The following TXN variants were observed in gnomAD, a reference collection of about 807,000 sequenced individuals.
The protein encoded by TXN is ADF.
A neutral mutation model predicts 16.5 loss-of-function variants in TXN; 10 were observed. The ratio of observed to expected loss-of-function variants is 0.61; its 90% CI spans 0.37 to 1.03. The LOEUF (loss-of-function observed/expected upper bound fraction) is 1.03, where lower values mean the gene tolerates loss of function less well. Among genes scored for constraint, TXN ranks in the 50% least tolerant of loss-of-function variants. TXN has a pLI of 0.01. For missense variants in TXN, 71 were observed against 122.5 expected (o/e 0.58, Z 1.98); for synonymous variants, 35 against 39.4 (o/e 0.89, Z 0.42).
chr9:110,244,729 C>G, intron 4 of TXN, 49 bp downstream of exon 4: 2 of 1,464,454 alleles, frequency 1.4e-6, no homozygotes, highest in Non-Finnish European at 1.9e-6. Flanking sequence ...TTCACTTATA[C>G]TGGGTTTCCT....
At chr9:110,253,095 G>T (rs1837762646) in intron 1 of TXN, among the ~76,000 whole-genome samples, 1 of 148,670 alleles carries the variant, frequency 6.7e-6, no homozygotes, top group South Asian at 2.1e-4. Flanking sequence ...CGCCACAAGA[G>T]GTCTCGTAAA....
Position 110,247,314 on chromosome 9 carries a change from C to T in TXN, c.190-2471G>A, listed in dbSNP as rs1169085859. Among the ~76,000 whole-genome samples, 13 of 140,648 alleles carry T rather than the reference C, an allele frequency of 9.2e-5. No individual in the cohort carries two copies. The East Asian group carries it at 2.4e-3, about 26-fold the overall frequency. 92.3% of individuals were successfully genotyped at this position (140,648 alleles called of 152,430 possible). ...CTCCAGCCTGGGTGACAGAGTGAGACTCTGTCTCAAAAAAAAAAAAAAAAA... is the reference window on the plus strand; with the variant it reads ...CTCCAGCCTGGGTGACAGAGTGAGATTCTGTCTCAAAAAAAAAAAAAAAAA... On this transcript the variant is annotated intron_variant, in intron 3 of 4. Coordinates refer to ENST00000374517, the MANE Select transcript of TXN (RefSeq NM_003329.4).
At chr9:110,252,243 A>AAAAAAAAAAAAAAAG in intron 1 of TXN, among the ~76,000 whole-genome samples, 1 of 148,938 alleles carries the variant, frequency 6.7e-6, no homozygotes, top group African/African-American at 2.5e-5. Context: ...AAAAAAAAAA[A>AAAAAAAAAAAAAAAG]AAGCTATGAC....
At chr9:110,253,225 T>C (rs1837764456) in intron 1 of TXN, among the ~76,000 whole-genome samples, 1 of 152,186 alleles carries the variant, frequency 6.6e-6, no homozygotes, top group African/African-American at 2.4e-5. Context: ...GATTTCTAAT[T>C]TCTACCTCGT....
chr9:110,256,305 G>A lies in TXN; in HGVS notation c.24+107C>T. ...TTTCCCCTGGCGATGCGGAGGGGCG[G>A]CCTCCGCACCTCCCGCCACCGCCTT... On this transcript the variant is annotated intron_variant, in intron 1 of 4. Coordinates refer to ENST00000374517, the MANE Select transcript of TXN (RefSeq NM_003329.4). This position sits in a 1 kb window ranked among gnomAD's most constrained non-coding sequence, Gnocchi z 4.2. 8.3e-7 allele frequency: 1 copy of A among 1,207,118 alleles called. No homozygotes were observed. The highest frequency in any genetic ancestry group is 1.2e-6 in the Non-Finnish European group (1 of 848,064). 74.8% of individuals were successfully genotyped at this position (1,207,118 alleles called of 1,614,324 possible).
chr9:110,245,105 T>C (rs912750250), intron 3 of TXN: 2 of 303,682 alleles, frequency 6.6e-6, no homozygotes, highest in Non-Finnish European at 1.3e-5. Flanking sequence ...TTCAGAATGT[T>C]ACTAGCATCA....
At chr9:110,252,223 C>CAAAACAAAAAAAAAA (rs1837748890) in intron 1 of TXN, among the ~76,000 whole-genome samples, 1 of 58,424 alleles carries the variant, frequency 1.7e-5, no homozygotes, top group African/African-American at 9.2e-5. Context: ...GACTCTGTCG[C>CAAAACAAAAAAAAAA]AAAAAAAAAA....
intron 3 of TXN, among the ~76,000 whole-genome samples, chr9:110,246,164 C>T (rs980047059): frequency 2.6e-5 from 4 of 152,140 alleles, no homozygotes; most frequent in Non-Finnish European, 4.4e-5. Flanking sequence ...CATCTTAAAC[C>T]ATTACAGTTA....
At chr9:110,244,628 G>T in intron 4 of TXN, 150 bp downstream of exon 4, 3 of 629,514 alleles carry the variant, frequency 4.8e-6, no homozygotes, top group Non-Finnish European at 8.6e-6. Context: ...ATGTACTTAA[G>T]CCAATGAATT....
At chr9:110,245,618 C>CACACACACTA (rs1425530609) in intron 3 of TXN, among the ~76,000 whole-genome samples, 15 of 30,894 alleles carry the variant, frequency 4.9e-4, no homozygotes, top group East Asian at 2.3e-3. Flanking sequence ...CACACACACA[C>CACACACACTA]TATATATATA....
chr9:110,244,299 T>TTA (rs765620009), intron 4 of TXN, 80 bp from the exon 5 acceptor site: 9 of 367,472 alleles, frequency 2.4e-5, no homozygotes, highest in African/African-American at 1.5e-4. Flanking sequence ...AAATATGTAT[T>TTA]TATATATATA....
intron 4 of TXN, 37 bp downstream of exon 4, chr9:110,244,741 T>A (rs1837625291): frequency 2.6e-6 from 4 of 1,536,146 alleles, no homozygotes; most frequent in African/African-American, 1.4e-5. Flanking sequence ...GGGTTTCCTA[T>A]TGCCCAGTTA....
At chr9:110,252,341 C>T (rs1285037926) in intron 1 of TXN, among the ~76,000 whole-genome samples, 1 of 151,532 alleles carries the variant, frequency 6.6e-6, no homozygotes, top group Non-Finnish European at 1.5e-5. Flanking sequence ...TCCCAAACCT[C>T]AACACTCAGA....
rs1587926716 is a variant in TXN, at chr9:110,256,326, G to A, written c.24+86C>T. 4 of 915,294 alleles carry A rather than the reference G, an allele frequency of 4.4e-6. No homozygotes were observed. The highest frequency in any genetic ancestry group is 6.4e-6 in the Non-Finnish European group (4 of 626,236). The allele number at this position is 915,294 out of a possible 1,614,324, so 56.7% of individuals were successfully genotyped here. A position where few individuals can be genotyped will look rare whatever the true frequency, so the allele number is the denominator to read the frequency against. On this transcript the variant is annotated intron_variant, in intron 1 of 4. Coordinates refer to ENST00000374517, the MANE Select transcript of TXN (RefSeq NM_003329.4). This position sits in a 1 kb window ranked among gnomAD's most constrained non-coding sequence, Gnocchi z 4.2. ...GGCGGCCTCCGCACCTCCCGCCACC[G>A]CCTTCCCCACCTCCCGCCACCGCCT...
chr9:110,245,705 C>T (rs1200938481), intron 3 of TXN, among the ~76,000 whole-genome samples: 15 of 129,630 alleles, frequency 1.2e-4, no homozygotes, highest in African/African-American at 4.5e-4. Context: ...GTTGCCCAGG[C>T]TGGTCTCAAA....
intron 2 of TXN, 65 bp downstream of exon 2, chr9:110,251,293 A>G: frequency 8.3e-7 from 1 of 1,201,010 alleles, no homozygotes; most frequent in Non-Finnish European, 1.2e-6. Flanking sequence ...TTTCTTTCCT[A>G]CCACTGTGAC....
chr9:110,253,205 T>TA (rs1438700119), intron 1 of TXN, among the ~76,000 whole-genome samples: 1 of 152,148 alleles, frequency 6.6e-6, no homozygotes, highest in Non-Finnish European at 1.5e-5. Flanking sequence ...TACTAATAGT[T>TA]ACTTCTCTAG....
chr9:110,253,689 A>G (rs1837769551), intron 1 of TXN, among the ~76,000 whole-genome samples: 1 of 152,240 alleles, frequency 6.6e-6, no homozygotes, highest in Non-Finnish European at 1.5e-5. Context: ...GAGGCACGCA[A>G]CAATAACTTT....
chr9:110,251,087 C>T (rs1429333507), intron 2 of TXN, among the ~76,000 whole-genome samples: 2 of 152,056 alleles, frequency 1.3e-5, no homozygotes, highest in African/African-American at 4.8e-5. Context: ...ATATCAAATT[C>T]TGAGGCTGGG....
Sources: allele counts gnomAD v4.1 joint callset (sites outside exome capture counted in the v4.1 genomes callset), GRCh38; gene constraint gnomAD v4.1.1; non-coding constraint Gnocchi (gnomAD v3.1); transcripts MANE v1.5; gene names NCBI Gene and HGNC (gene_info 2026-07-23, HGNC 2026-07-21).